The following CCNB1 variants were observed in gnomAD, a reference collection of about 807,000 sequenced individuals.
The protein encoded by CCNB1 is cyclin B1.
In CCNB1, 26 loss-of-function variants were observed where a neutral mutation model predicts 44.4. The ratio of observed to expected loss-of-function variants is 0.59; its 90% confidence interval spans 0.43 to 0.81. The LOEUF is 0.81. CCNB1 is among the 40% of genes least tolerant of loss of function. The pLI is 0.00. For synonymous variants in CCNB1, 195 were observed against 181.4 expected (o/e 1.08, Z -0.60); for missense variants, 477 against 520.9 (o/e 0.92, Z 0.82).
At position 69,177,909 on chromosome 5, in the gene CCNB1, C is replaced by G; in HGVS notation, c.*278C>G. On this transcript the variant is annotated 3_prime_UTR_variant, in exon 9 of 9. Transcript: ENST00000256442. ...CTGGGTTCTTGTTTTATATACCTGGCTTTTACTTTATTAATATGAGTTACT... is the reference window on the plus strand; with the variant it reads ...CTGGGTTCTTGTTTTATATACCTGGGTTTTACTTTATTAATATGAGTTACT... 1 of 269,468 alleles carries G rather than the reference C, an allele frequency of 3.7e-6. No homozygotes were observed. The highest frequency in any genetic ancestry group is 7.0e-6 in the Non-Finnish European group (1 of 142,362). 16.7% of individuals were successfully genotyped at this position (269,468 alleles called of 1,614,324 possible).
intron 1 of CCNB1, among the ~76,000 whole-genome samples, chr5:69,167,688 C>T (rs1390934576): frequency 2.6e-5 from 4 of 152,058 alleles, no homozygotes; most frequent in Non-Finnish European, 2.9e-5. Context: ...TTAGGGCTGG[C>T]CAGGACTAAT....
At chr5:69,175,928 C>T (rs1006921737) in intron 7 of CCNB1, among the ~76,000 whole-genome samples, 4 of 149,548 alleles carry the variant, frequency 2.7e-5, no homozygotes, top group East Asian at 2.0e-4. Context: ...ACAAAAGAGT[C>T]GCCCACCAGC....
Position 69,168,235 on chromosome 5 carries a change from G to T in CCNB1, c.255G>T (p.Lys85Asn). 1 of 1,614,192 alleles carries T rather than the reference G, an allele frequency of 6.2e-7. No homozygotes were observed. Among genetic ancestry groups the T allele is most frequent in the Non-Finnish European group, 8.5e-7 (1 of 1,180,048 alleles). The change falls in exon 3 of 9, where the codon AAG (lysine) becomes AAT (asparagine). Residue 85 changes from lysine to asparagine, a missense_variant. Coordinates refer to ENST00000256442, the MANE Select transcript of CCNB1 (RefSeq NM_031966.4). ...IDKKLPKPLE[K>N]VPMLVPVPVS... ...AAAAACTACCAAAACCTCTTGAAAA[G>T]GTACCTATGCTGGTGCCAGTGCCAG...
Position 69,168,326 on chromosome 5 carries a change from T to C in CCNB1, c.346T>C (p.Ser116Pro). Residue 116 changes from serine (S) to proline (P), a missense_variant, in exon 3 of 9, where the codon TCG (serine) becomes CCG (proline). Physicochemically the swap from Ser to Pro is moderately conservative, Grantham distance 74. Coordinates refer to ENST00000256442, the MANE Select transcript of CCNB1 (RefSeq NM_031966.4). ...TGAGCCTGTTAAAGAAGAAAAACTTTCGCCTGAGCCTATTTTGGTAAACTT... is the reference window on the plus strand; with the variant it reads ...TGAGCCTGTTAAAGAAGAAAAACTTCCGCCTGAGCCTATTTTGGTAAACTT... ...EPEPVKEEKL[S>P]PEPILVDTAS... 1 of 1,614,200 alleles carries C rather than the reference T, an allele frequency of 6.2e-7. No homozygotes were observed. The highest frequency in any genetic ancestry group is 8.5e-7 in the Non-Finnish European group (1 of 1,180,020).
chr5:69,174,270 C>T lies in CCNB1; in HGVS notation c.566C>T (p.Pro189Leu). Reference protein sequence around the residue: ...RQLEEEQAVRPKYLLGREVTG... With the variant: ...RQLEEEQAVRLKYLLGREVTG... ...TTGCAGGAAGAGCAAGCAGTCAGAC[C>T]AAAATACCTACTGGGTCGGGAAGTC... Residue 189 changes from proline (P) to leucine (L), a missense_variant, in exon 5 of 9, where the codon CCA (proline) becomes CTA (leucine). Coordinates refer to ENST00000256442, the MANE Select transcript of CCNB1 (RefSeq NM_031966.4). 6.2e-7 allele frequency: 1 copy of T among 1,613,908 alleles called. No homozygotes were observed. Among genetic ancestry groups the T allele is most frequent in the Non-Finnish European group, 8.5e-7 (1 of 1,179,974 alleles).
intron 4 of CCNB1, among the ~76,000 whole-genome samples, chr5:69,172,476 C>T (rs549461163): frequency 2.6e-5 from 4 of 152,168 alleles, no homozygotes; most frequent in African/African-American, 4.8e-5. Context: ...AGGCTGGTCT[C>T]GAACTCCTGA....
rs573374742 is a variant in CCNB1, at chr5:69,177,424, T to G, written c.1194+75T>G. On this transcript the variant is annotated intron_variant, in intron 8 of 8. Coordinates refer to ENST00000256442, the MANE Select transcript of CCNB1 (RefSeq NM_031966.4). Reference sequence around the variant, plus strand: ...AACTTAATGCCTGCAAATGCCTGGTTTATTTTTAATGAGTTAATGTTTTAA... The same window carrying G: ...AACTTAATGCCTGCAAATGCCTGGTGTATTTTTAATGAGTTAATGTTTTAA... 3.2e-6 allele frequency: 4 copies of G among 1,268,464 alleles called. No homozygotes were observed. The South Asian group carries it at 4.9e-5, about 15-fold the overall frequency. The allele number at this position is 1,268,464 out of a possible 1,614,324, so 78.6% of individuals were successfully genotyped here.
chr5:69,169,485 T>C (rs2112047509), intron 3 of CCNB1, among the ~76,000 whole-genome samples: 1 of 152,344 alleles, frequency 6.6e-6, no homozygotes, highest in South Asian at 2.1e-4. Context: ...GAGGCTTTCT[T>C]GGAAGGCCCA....
chr5:69,168,071 T>G lies in CCNB1; in HGVS notation c.185T>G (p.Met62Arg), dbSNP rs774488515. The change falls in exon 2 of 9, where the codon ATG becomes AGG. Residue 62 changes from methionine (M) to arginine (R), a missense_variant. Transcript: ENST00000256442. ...GAACAACTGCAGGCCAAAATGCCTA[T>G]GAAGAAGGTAACTCTCTTCCTGACC... ...VSEQLQAKMP[M>R]KKEAKPSATG... is the part of the protein sequence containing the mutation. 11 of 1,613,424 alleles carry G rather than the reference T, an allele frequency of 6.8e-6. No homozygotes were observed. In the African/African-American group the frequency reaches 1.5e-4, roughly 22 times the overall value.
chr5:69,167,271 C>T lies in CCNB1; in HGVS notation c.9C>T (p.Leu3=). The change falls in exon 1 of 9, where the codon CTC becomes CTT. Residue 3 remains leucine (L), a synonymous_variant. Coordinates refer to ENST00000256442, the MANE Select transcript of CCNB1 (RefSeq NM_031966.4). ...CTGGTGAAGAGGAAGCCATGGCGCT[C>T]CGAGTCACCAGGGTGAGCCGCTTCG... MA[L]RVTRNSKINA... 6.3e-7 allele frequency: 1 copy of T among 1,575,932 alleles called. No homozygotes were observed. Among genetic ancestry groups the T allele is most frequent in the Non-Finnish European group, 8.6e-7 (1 of 1,163,232 alleles).
intron 1 of CCNB1, among the ~76,000 whole-genome samples, chr5:69,167,689 C>T (rs942269872): frequency 6.6e-6 from 1 of 152,032 alleles, no homozygotes; most frequent in Non-Finnish European, 1.5e-5. Context: ...TAGGGCTGGC[C>T]AGGACTAATC....
intron 4 of CCNB1, among the ~76,000 whole-genome samples, chr5:69,172,872 C>T (rs1272226035): frequency 1.4e-5 from 2 of 146,090 alleles, no homozygotes; most frequent in African/African-American, 2.5e-5. Context: ...CTCCCGGGTT[C>T]ACGCCATTCT....
chr5:69,175,733 G>T (rs1388866365), intron 7 of CCNB1, among the ~76,000 whole-genome samples, 196 bp downstream of exon 7: 15 of 152,026 alleles, frequency 9.9e-5, no homozygotes, highest in Admixed American at 9.9e-4. Context: ...ACTCAGGCTG[G>T]AGTGCAGTGG....
Position 69,168,275 on chromosome 5 carries a change from C to A in CCNB1, c.295C>A (p.Pro99Thr). 6.2e-7 allele frequency: 1 copy of A among 1,613,996 alleles called. No individual in the cohort carries two copies. ...GCCAGTGCCAGTGTCTGAGCCAGTG[C>A]CAGAGCCAGAACCTGAGCCAGAACC... ...LVPVPVSEPV[P>T]EPEPEPEPEP... Residue 99 changes from proline to threonine, a missense_variant, in exon 3 of 9, where the codon CCA becomes ACA. By Grantham distance (38) the Pro-to-Thr change is conservative. Coordinates refer to ENST00000256442, the MANE Select transcript of CCNB1 (RefSeq NM_031966.4).
intron 1 of CCNB1, among the ~76,000 whole-genome samples, chr5:69,167,671 C>T (rs1333634746): frequency 2.6e-5 from 4 of 152,058 alleles, no homozygotes; most frequent in Non-Finnish European, 4.4e-5. Context: ...TGTAAATTCT[C>T]GGTATTTTAG....
At chr5:69,175,828 A>G (rs1412861855) in intron 7 of CCNB1, among the ~76,000 whole-genome samples, 2 of 151,838 alleles carry the variant, frequency 1.3e-5, no homozygotes, top group Non-Finnish European at 2.9e-5. Context: ...TTTTCATGTC[A>G]GATGGGTAAT....
intron 4 of CCNB1, among the ~76,000 whole-genome samples, chr5:69,172,961 G>T (rs1747498109): frequency 6.6e-6 from 1 of 151,686 alleles, no homozygotes; most frequent in Non-Finnish European, 1.5e-5. Flanking sequence ...TTTTAGTAGA[G>T]ACGGGGTTTC....
chr5:69,168,286 A>G lies in CCNB1; in HGVS notation c.306A>G (p.Glu102=). Residue 102 remains glutamate, a synonymous_variant, in exon 3 of 9, where the codon GAA becomes GAG. Transcript: ENST00000256442. ...VPVSEPVPEP[E]PEPEPEPVKE... is the part of the protein sequence containing the mutation. ...TGTCTGAGCCAGTGCCAGAGCCAGA[A>G]CCTGAGCCAGAACCTGAGCCTGTTA... is the stretch of plus-strand genomic sequence containing the variant. 25 of 1,613,174 alleles carry G rather than the reference A, an allele frequency of 1.5e-5. No homozygotes were observed. Among genetic ancestry groups the G allele is most frequent in the Non-Finnish European group, 2.1e-5 (25 of 1,179,612 alleles).
Position 69,168,292 on chromosome 5 carries a change from G to A in CCNB1, c.312G>A (p.Glu104=), listed in dbSNP as rs748534626. 1.2e-5 allele frequency: 20 copies of A among 1,614,080 alleles called. No homozygotes were observed. In the Middle Eastern group the frequency reaches 4.9e-4, roughly 40 times the overall value. ...VSEPVPEPEP[E]PEPEPVKEEK... ...AGCCAGTGCCAGAGCCAGAACCTGA[G>A]CCAGAACCTGAGCCTGTTAAAGAAG... Residue 104 remains glutamate (E), a synonymous_variant, in exon 3 of 9, where the codon GAG becomes GAA. Coordinates refer to ENST00000256442, the MANE Select transcript of CCNB1 (RefSeq NM_031966.4).
Sources: allele counts gnomAD v4.1 joint callset (sites outside exome capture counted in the v4.1 genomes callset), GRCh38; gene constraint gnomAD v4.1.1; transcripts MANE v1.5; gene names NCBI Gene and HGNC (gene_info 2026-07-23, HGNC 2026-07-21).